Variants in ANO2 observed in about 807,000 individuals in gnomAD.
The protein encoded by ANO2 is anoctamin 2, also known as anoctamin-2.
Under a neutral mutation model 124.2 loss-of-function variants are expected in ANO2, and 101 were observed. That is an observed-to-expected ratio of 0.81 (90% CI 0.69 to 0.96). ANO2 has a LOEUF of 0.96. ANO2 is among the 40% of genes least tolerant of loss of function. The pLI is 0.00. For missense variants in ANO2, 1,293 were observed against 1,274.5 expected, an observed-to-expected ratio of 1.01 and a Z score of -0.22; for synonymous variants, 486 against 482.5, an observed-to-expected ratio of 1.01 and a Z score of -0.09.
At chr12:5,570,703 G>A (rs947211667) in intron 23 of ANO2, among the ~76,000 whole-genome samples, 4 of 152,170 alleles carry the variant, frequency 2.6e-5, no homozygotes, top group African/African-American at 9.7e-5. Flanking sequence ...CTTTTGTTAT[G>A]TAATGAATCA....
chr12:5,740,053 C>A (rs1357763786), intron 12 of ANO2: 1 of 446,028 alleles, frequency 2.2e-6, no homozygotes, highest in Non-Finnish European at 4.5e-6. Context: ...AGTTTGCCTG[C>A]CCCACCCACG....
intron 14 of ANO2, among the ~76,000 whole-genome samples, chr12:5,678,087 G>A (rs968839726): frequency 6.6e-6 from 1 of 152,174 alleles, no homozygotes; most frequent in Non-Finnish European, 1.5e-5. Flanking sequence ...CAGGTCTGAT[G>A]TGGACCAAGC....
rs1040070138 is a variant in ANO2, at chr12:5,568,872, A to C, written c.2622-3209T>G. ...TCTGATGCCCAGCTTTCTCATCTAT[A>C]AAGTGGGCCTGAACTTTCCATCACA... On this transcript the variant is annotated intron_variant, in intron 23 of 24. Transcript: ENST00000682330. 3.1e-4 allele frequency among the ~76,000 whole-genome samples: 47 copies of C among 152,210 alleles called. 1 individual carries two copies. The highest frequency in any genetic ancestry group is 9.2e-4 in the Admixed American group (14 of 15,282).
intron 3 of ANO2, among the ~76,000 whole-genome samples, chr12:5,909,025 G>A (rs1387850245): frequency 6.6e-6 from 1 of 152,192 alleles, no homozygotes; most frequent in Non-Finnish European, 1.5e-5. Context: ...AGAGCAGGAA[G>A]GGGCCCTGGA....
intron 7 of ANO2, among the ~76,000 whole-genome samples, chr12:5,814,233 C>T (rs781641272): frequency 6.6e-6 from 1 of 152,190 alleles, no homozygotes; most frequent in Admixed American, 6.5e-5. Context: ...GTTACAACGC[C>T]GTCCCTGGCA....
intron 3 of ANO2, among the ~76,000 whole-genome samples, chr12:5,883,952 T>C (rs1035071323): frequency 3.9e-5 from 6 of 152,146 alleles, no homozygotes; most frequent in African/African-American, 1.2e-4. Flanking sequence ...ATCCCAGCAT[T>C]GTCAGGTATA....
intron 14 of ANO2, among the ~76,000 whole-genome samples, chr12:5,661,719 G>A (rs971486328): frequency 3.2e-4 from 49 of 152,286 alleles, no homozygotes; most frequent in African/African-American, 1.1e-3. Flanking sequence ...AAAATACCCC[G>A]ATTCCTGGCC....
intron 3 of ANO2, among the ~76,000 whole-genome samples, chr12:5,865,673 T>G (rs886376477): frequency 6.6e-6 from 1 of 151,352 alleles, no homozygotes; most frequent in Non-Finnish European, 1.5e-5. Context: ...TATCGTGCAT[T>G]CACACTATCA....
intron 10 of ANO2, among the ~76,000 whole-genome samples, chr12:5,781,549 G>C (rs961720087): frequency 6.6e-6 from 1 of 152,162 alleles, no homozygotes; most frequent in African/African-American, 2.4e-5. Flanking sequence ...GTAAATTTGG[G>C]CACCCTTAAA....
At chr12:5,666,162 T>G (rs867014537) in intron 14 of ANO2, among the ~76,000 whole-genome samples, 1 of 152,088 alleles carries the variant, frequency 6.6e-6, no homozygotes, top group South Asian at 2.1e-4. Context: ...AGAAACAGAA[T>G]AGTGAAGGTT....
intron 14 of ANO2, among the ~76,000 whole-genome samples, chr12:5,725,543 CT>C (rs1950402742): frequency 6.6e-6 from 1 of 152,186 alleles, no homozygotes; most frequent in African/African-American, 2.4e-5. Flanking sequence ...CATCAACTGA[CT>C]TTTGGTTAGG....
intron 10 of ANO2, among the ~76,000 whole-genome samples, chr12:5,785,869 A>G (rs369543029): frequency 1.3e-5 from 2 of 152,198 alleles, no homozygotes; most frequent in East Asian, 3.9e-4. Flanking sequence ...CTGAGATGCC[A>G]CGCAGACTTT....
At chr12:5,568,405 C>G (rs1229357975) in intron 23 of ANO2, among the ~76,000 whole-genome samples, 1 of 152,066 alleles carries the variant, frequency 6.6e-6, no homozygotes, top group Non-Finnish European at 1.5e-5. Flanking sequence ...CCAACCCACC[C>G]TATTCTTCAA....
chr12:5,940,973 A>C (rs935271778), intron 1 of ANO2, among the ~76,000 whole-genome samples: 2 of 152,254 alleles, frequency 1.3e-5, no homozygotes, highest in African/African-American at 4.8e-5. Flanking sequence ...CCTTGAAAGC[A>C]TTATGCTAAG....
chr12:5,588,428 T>G (rs1943233065), intron 20 of ANO2, among the ~76,000 whole-genome samples: 1 of 152,222 alleles, frequency 6.6e-6, no homozygotes, highest in South Asian at 2.1e-4. Context: ...TGGAATGGTC[T>G]GGAAAGTGGC....
intron 3 of ANO2, among the ~76,000 whole-genome samples, chr12:5,861,034 G>A (rs1955252187): frequency 6.6e-6 from 1 of 152,180 alleles, no homozygotes; most frequent in African/African-American, 2.4e-5. Flanking sequence ...GGCAGGGCCA[G>A]CTTAGGGACA....
intron 14 of ANO2, among the ~76,000 whole-genome samples, chr12:5,653,632 C>G (rs979572769): frequency 8.5e-5 from 13 of 152,136 alleles, no homozygotes; most frequent in African/African-American, 2.7e-4. Flanking sequence ...CATTGAACAT[C>G]AAATATGTAC....
intron 22 of ANO2, among the ~76,000 whole-genome samples, chr12:5,577,078 C>G (rs12306608): frequency 6.6e-6 from 1 of 152,250 alleles, no homozygotes; most frequent in African/African-American, 2.4e-5. Flanking sequence ...GGCCTCTGTT[C>G]TAACAGACAC....
At chr12:5,571,241 C>A (rs569676609) in intron 23 of ANO2, among the ~76,000 whole-genome samples, 78 of 152,322 alleles carry the variant, frequency 5.1e-4, no homozygotes, top group African/African-American at 1.8e-3. Context: ...AGCCTACATC[C>A]GTCCTCCAGG....
Sources: allele counts gnomAD v4.1 joint callset (sites outside exome capture counted in the v4.1 genomes callset), GRCh38; gene constraint gnomAD v4.1.1; transcripts MANE v1.5; gene names NCBI Gene and HGNC (gene_info 2026-07-23, HGNC 2026-07-21).